ST7: variants seen among roughly 807,000 people sequenced by gnomAD.
ST7 encodes the protein suppression of tumorigenicity 7, also known as suppressor of tumorigenicity 7 protein.
A neutral mutation model predicts 78.7 loss-of-function variants in ST7; 28 were observed. The ratio of observed to expected loss-of-function variants is 0.36; its 90% CI spans 0.26 to 0.49. The LOEUF is 0.49. ST7 is among the 20% of genes least tolerant of loss of function. The pLI is 0.99. For synonymous variants in ST7, 247 were observed against 249.6 expected (o/e 0.99, Z 0.10); for missense variants, 418 against 696.0 (o/e 0.60, Z 4.49).
chr7:117,202,061 C>G lies in ST7; in HGVS notation c.1255-7726C>G. On this transcript the variant is annotated intron_variant, in intron 12 of 15. Coordinates refer to ENST00000323984, the MANE Select transcript of ST7 (RefSeq NM_001369598.1). ...CTGCAAGCTCCGCCTCCCGGGTTCACGCCATTCTCCTGCCTCAGCCTCCCA... is the reference window on the plus strand; with the variant it reads ...CTGCAAGCTCCGCCTCCCGGGTTCAGGCCATTCTCCTGCCTCAGCCTCCCA... 6.2e-5 allele frequency among the ~76,000 whole-genome samples: 2 copies of G among 32,464 alleles called. 1 individual carries two copies. 21.3% of individuals were successfully genotyped at this position (32,464 alleles called of 152,430 possible). A position where few individuals can be genotyped will look rare whatever the true frequency, so the allele number is the denominator to read the frequency against.
At chr7:116,968,591 C>T (rs1382702691) in intron 1 of ST7, 1 of 297,034 alleles carries the variant, frequency 3.4e-6, no homozygotes, top group Non-Finnish European at 7.0e-6. Flanking sequence ...AGTCGCAGTG[C>T]TTGGTGCGGG....
chr7:117,196,846 C>T (rs1204130432), intron 12 of ST7, among the ~76,000 whole-genome samples: 2 of 151,920 alleles, frequency 1.3e-5, no homozygotes, highest in South Asian at 4.2e-4. Context: ...CTTTTGGTGT[C>T]ATATCTAAGA....
At chr7:117,148,326 CTTA>C (rs2117137341) in intron 9 of ST7, among the ~76,000 whole-genome samples, 1 of 152,174 alleles carries the variant, frequency 6.6e-6, no homozygotes, top group South Asian at 2.1e-4. Context: ...CCTACTCTAA[CTTA>C]TTGTGATTCA....
intron 3 of ST7, among the ~76,000 whole-genome samples, chr7:117,127,320 C>T (rs1443657038): frequency 6.6e-6 from 1 of 151,876 alleles, no homozygotes; most frequent in Non-Finnish European, 1.5e-5. Context: ...ACTAAACCAT[C>T]ACATAGCCTG....
chr7:117,148,206 G>T (rs143835672), intron 9 of ST7, among the ~76,000 whole-genome samples: 2 of 152,118 alleles, frequency 1.3e-5, no homozygotes, highest in East Asian at 3.9e-4. Context: ...AGGTTTTGTT[G>T]TTGGGTGCGT....
At chr7:117,050,389 C>A (rs1042980507) in intron 1 of ST7, among the ~76,000 whole-genome samples, 2 of 152,088 alleles carry the variant, frequency 1.3e-5, no homozygotes, top group South Asian at 4.1e-4. Context: ...GAAGTGGCTA[C>A]GAAATTATTA....
intron 1 of ST7, among the ~76,000 whole-genome samples, chr7:117,083,970 T>C (rs1799964116): frequency 6.6e-6 from 1 of 152,216 alleles, no homozygotes; most frequent in Non-Finnish European, 1.5e-5. Context: ...AGCATGTATG[T>C]AGAGGACATA....
At position 117,230,160 on chromosome 7, in the gene ST7, C is replaced by T; in HGVS notation, c.*303C>T. ...AAAATTGTTGATGTCCCAAATAAACCTTTGGATTTACCTTGAGTTTCCTGG... is the reference window on the plus strand; with the variant it reads ...AAAATTGTTGATGTCCCAAATAAACTTTTGGATTTACCTTGAGTTTCCTGG... On this transcript the variant is annotated 3_prime_UTR_variant, in exon 16 of 16. Transcript: ENST00000323984. The T allele has an allele frequency of 2.1e-6, 1 of 481,996 alleles. No individual in the cohort carries two copies. Among genetic ancestry groups the T allele is most frequent in the Non-Finnish European group, 3.8e-6 (1 of 259,874 alleles). The allele number at this position is 481,996 out of a possible 1,614,324, so 29.9% of individuals were successfully genotyped here. A position where few individuals can be genotyped will look rare whatever the true frequency, so the allele number is the denominator to read the frequency against.
chr7:117,066,443 C>T (rs1006093127), intron 1 of ST7, among the ~76,000 whole-genome samples: 5 of 151,978 alleles, frequency 3.3e-5, no homozygotes, highest in African/African-American at 1.2e-4. Flanking sequence ...ATATAATTCA[C>T]ATACAGCAAT....
intron 9 of ST7, among the ~76,000 whole-genome samples, chr7:117,158,704 G>A (rs1349167979): frequency 1.3e-5 from 2 of 152,156 alleles, no homozygotes; most frequent in African/African-American, 4.8e-5. Context: ...ATACTGATCT[G>A]TATAAATGGA....
chr7:117,172,208 G>A (rs1041893459), intron 10 of ST7, among the ~76,000 whole-genome samples: 10 of 152,136 alleles, frequency 6.6e-5, no homozygotes, highest in Non-Finnish European at 1.0e-4. Context: ...GCCCCGCAAG[G>A]CACTGGGAGT....
chr7:117,175,045 A>T (rs1808251918), intron 10 of ST7, among the ~76,000 whole-genome samples: 1 of 152,200 alleles, frequency 6.6e-6, no homozygotes, highest in Admixed American at 6.5e-5. Flanking sequence ...ATTCCTTTCT[A>T]ATCATTCTTT....
Position 117,204,608 on chromosome 7 carries a change from A to G in ST7, c.1255-5179A>G, listed in dbSNP as rs971894112. ...CCTGTGCCTGCTTTGTGTCTTACTG[A>G]TTCCAGGGAGTAAGCAACATTGAAA... On this transcript the variant is annotated intron_variant, in intron 12 of 15. Transcript: ENST00000323984. 5.3e-5 allele frequency among the ~76,000 whole-genome samples: 8 copies of G among 152,248 alleles called. 1 individual carries two copies. Among genetic ancestry groups the G allele is most frequent in the Admixed American group, 4.6e-4 (7 of 15,306 alleles).
chr7:117,045,342 T>G (rs1797440197), intron 1 of ST7, among the ~76,000 whole-genome samples: 1 of 152,078 alleles, frequency 6.6e-6, no homozygotes, highest in Non-Finnish European at 1.5e-5. Flanking sequence ...TTCCATAGTA[T>G]TCCCTCTTCT....
Position 117,136,158 on chromosome 7 carries a change from C to G in ST7, c.788C>G (p.Ala263Gly). Residue 263 changes from alanine (A) to glycine (G), a missense_variant, in exon 8 of 16, where the codon GCC becomes GGC. Ala to Gly is a moderately conservative substitution (Grantham distance 60). Coordinates refer to ENST00000323984, the MANE Select transcript of ST7 (RefSeq NM_001369598.1). ...GAAGCAGAAAAATTATTTAAGCAGG[C>G]CCTGAAGGCTGGAGATGGCTGTTAC... Reference protein sequence around the residue: ...IAEAEKLFKQALKAGDGCYRR... With the variant: ...IAEAEKLFKQGLKAGDGCYRR... 6.2e-7 allele frequency: 1 copy of G among 1,613,528 alleles called. No homozygotes were observed. Among genetic ancestry groups the G allele is most frequent in the African/African-American group, 1.3e-5 (1 of 74,922 alleles).
At chr7:117,039,535 C>T (rs963417615) in intron 1 of ST7, among the ~76,000 whole-genome samples, 2 of 150,532 alleles carry the variant, frequency 1.3e-5, no homozygotes, top group Admixed American at 1.3e-4. Flanking sequence ...GATGGCATCA[C>T]TGAACTCCAG....
chr7:117,200,473 T>G (rs1203195856), intron 12 of ST7, among the ~76,000 whole-genome samples: 5 of 152,010 alleles, frequency 3.3e-5, no homozygotes, highest in Non-Finnish European at 4.4e-5. Flanking sequence ...GGGAAAAAAA[T>G]AAAGAAAAAT....
At chr7:117,227,747 C>T (rs1793538988) in intron 15 of ST7, among the ~76,000 whole-genome samples, 1 of 152,190 alleles carries the variant, frequency 6.6e-6, no homozygotes, top group African/African-American at 2.4e-5. Flanking sequence ...CTTCCAACTG[C>T]ATTCATGGGT....
chr7:117,059,379 A>G (rs1798231514), intron 1 of ST7, among the ~76,000 whole-genome samples: 1 of 152,170 alleles, frequency 6.6e-6, no homozygotes, highest in Non-Finnish European at 1.5e-5. Context: ...CTGCTTTTGA[A>G]TAGGTTATTA....
Sources: gnomAD v4.1 joint callset for allele counts (sites outside exome capture counted in the v4.1 genomes callset) on GRCh38, gnomAD v4.1.1 for gene constraint, MANE v1.5 for transcripts, NCBI Gene and HGNC (gene_info 2026-07-23, HGNC 2026-07-21) for gene names.